Variants in LGSN observed in about 807,000 individuals in gnomAD.
The protein encoded by LGSN is lengsin, lens protein with glutamine synthetase domain, also known as lengsin.
Under a neutral mutation model 19.5 loss-of-function variants are expected in LGSN, and 21 were observed. That is an observed-to-expected ratio of 1.07 (90% CI 0.76 to 1.55). The LOEUF (loss-of-function observed/expected upper bound fraction) is 1.55, where lower values mean the gene tolerates loss of function less well. Among genes scored for constraint, LGSN ranks in the 40% most tolerant of loss-of-function variants. LGSN has a pLI of 0.00. For missense variants in LGSN, 673 were observed against 608.5 expected (o/e 1.11, Z -1.12); for synonymous variants, 257 against 215.6 (o/e 1.19, Z -1.68).
chr6:63,559,584 A>G, the LGSN span, among the ~76,000 whole-genome samples: 1 of 152,034 alleles, frequency 6.6e-6, no homozygotes, highest in Non-Finnish European at 1.5e-5. Context: ...GTCTCTACTA[A>G]AAATACAAAA....
the LGSN span, among the ~76,000 whole-genome samples, chr6:63,391,718 T>C: frequency 1.2e-4 from 18 of 152,324 alleles, no homozygotes; most frequent in East Asian, 3.3e-3. Context: ...TTACACTTCA[T>C]GGGCTGATAG....
intron 1 of LGSN, among the ~76,000 whole-genome samples, chr6:63,307,257 T>C (rs1487513559): frequency 6.6e-6 from 1 of 152,178 alleles, no homozygotes; most frequent in Non-Finnish European, 1.5e-5. Context: ...ATGAGAAAAA[T>C]TGAGTCAAAG....
chr6:63,412,533 A>AGAAG, the LGSN span, among the ~76,000 whole-genome samples: 507 of 84,978 alleles, frequency 6.0e-3, 3 homozygotes, highest in African/African-American at 0.012. Context: ...AAAGAAGGAA[A>AGAAG]GAAAGAAAGA....
the LGSN span, among the ~76,000 whole-genome samples, chr6:63,351,390 T>C: frequency 6.6e-6 from 1 of 151,432 alleles, no homozygotes; most frequent in Non-Finnish European, 1.5e-5. Context: ...TGTGTGTGTA[T>C]GTGTGTCTGT....
the LGSN span, among the ~76,000 whole-genome samples, chr6:63,376,004 A>G: frequency 1.3e-5 from 2 of 152,106 alleles, no homozygotes; most frequent in Non-Finnish European, 2.9e-5. Context: ...TCTTAATGTC[A>G]CAAATTAAAT....
In LGSN at chr6:63,287,703, C is replaced by G. The variant is rs1767598228; in HGVS notation, c.164-1950G>C. 2.6e-5 allele frequency among the ~76,000 whole-genome samples: 4 copies of G among 151,838 alleles called. No individual in the cohort carries two copies. In the South Asian group the frequency reaches 8.3e-4, roughly 32 times the overall value. On this transcript the variant is annotated intron_variant, in intron 2 of 3. Coordinates refer to ENST00000370657, the MANE Select transcript of LGSN (RefSeq NM_016571.3). ...AGCCTATGCAACAAAGAGGGACTGTCTTAACCAATAATAATAATAATATGG... is the reference window on the plus strand; with the variant it reads ...AGCCTATGCAACAAAGAGGGACTGTGTTAACCAATAATAATAATAATATGG...
chr6:63,564,670 G>A, the LGSN span, among the ~76,000 whole-genome samples: 1 of 152,064 alleles, frequency 6.6e-6, no homozygotes, highest in Non-Finnish European at 1.5e-5. Context: ...CCTTTCTCTA[G>A]CCAGATTAAA....
chr6:63,349,944 T>C, the LGSN span, among the ~76,000 whole-genome samples: 8 of 152,232 alleles, frequency 5.3e-5, no homozygotes, highest in Non-Finnish European at 1.0e-4. Flanking sequence ...CCAGGCCAGC[T>C]TCACAGAAGA....
the LGSN span, among the ~76,000 whole-genome samples, chr6:63,328,595 A>G: frequency 2.0e-5 from 3 of 152,212 alleles, no homozygotes; most frequent in African/African-American, 7.2e-5. Flanking sequence ...GCCTTTTGCT[A>G]CTACATCAAT....
chr6:63,530,908 G>C, the LGSN span, among the ~76,000 whole-genome samples: 1 of 152,226 alleles, frequency 6.6e-6, no homozygotes, highest in South Asian at 2.1e-4. Flanking sequence ...GTAATGATTA[G>C]AATGGTTTCC....
At chr6:63,284,445 T>C (rs1767449443) in intron 3 of LGSN, among the ~76,000 whole-genome samples, 1 of 152,216 alleles carries the variant, frequency 6.6e-6, no homozygotes, top group Non-Finnish European at 1.5e-5. Context: ...CCTTAGCAAG[T>C]ATAAGCAGCA....
chr6:63,518,671 T>C, the LGSN span, among the ~76,000 whole-genome samples: 1 of 152,232 alleles, frequency 6.6e-6, no homozygotes, highest in African/African-American at 2.4e-5. Flanking sequence ...GCTAAGGTTC[T>C]TTCTAGCAAG....
chr6:63,428,011 TAATTA>T, the LGSN span, among the ~76,000 whole-genome samples: 19 of 152,170 alleles, frequency 1.2e-4, no homozygotes, highest in African/African-American at 4.6e-4. Flanking sequence ...ATTCAATATA[TAATTA>T]AATTACGCTG....
At chr6:63,290,197 A>C (rs547952805) in intron 2 of LGSN, among the ~76,000 whole-genome samples, 4 of 152,310 alleles carry the variant, frequency 2.6e-5, no homozygotes, top group African/African-American at 9.6e-5. Flanking sequence ...TTAAATTTTT[A>C]GTACTGAAGG....
At chr6:63,513,932 A>AAAAAC in the LGSN span, among the ~76,000 whole-genome samples, 3 of 114,490 alleles carry the variant, frequency 2.6e-5, no homozygotes, top group Non-Finnish European at 5.3e-5. Context: ...AAAAAAAAAA[A>AAAAAC]AAAACACTGG....
chr6:63,464,903 C>G, the LGSN span, among the ~76,000 whole-genome samples: 6 of 150,996 alleles, frequency 4.0e-5, no homozygotes, highest in Non-Finnish European at 1.5e-5. Flanking sequence ...GTGGGTGCCT[C>G]TAATCCCAGC....
chr6:63,492,780 G>T, the LGSN span, among the ~76,000 whole-genome samples: 3 of 152,140 alleles, frequency 2.0e-5, no homozygotes, highest in African/African-American at 7.2e-5. Flanking sequence ...AAACACACAG[G>T]TGTAGGTGTA....
the LGSN span, among the ~76,000 whole-genome samples, chr6:63,436,123 C>T: frequency 2.2e-4 from 33 of 152,104 alleles, no homozygotes; most frequent in Non-Finnish European, 3.5e-4. Flanking sequence ...TGCTGACCAC[C>T]TCATGTAAAG....
At chr6:63,554,615 T>C in the LGSN span, among the ~76,000 whole-genome samples, 3 of 152,254 alleles carry the variant, frequency 2.0e-5, no homozygotes, top group South Asian at 6.2e-4. Context: ...CTGGCCAACA[T>C]GGTGAAACCC....
Sources: allele counts gnomAD v4.1 joint callset (sites outside exome capture counted in the v4.1 genomes callset), GRCh38; gene constraint gnomAD v4.1.1; transcripts MANE v1.5; gene names NCBI Gene and HGNC (gene_info 2026-07-23, HGNC 2026-07-21).